The following ARHGAP12 variants were observed in gnomAD, a reference collection of about 807,000 sequenced individuals.
ARHGAP12 encodes Rho GTPase activating protein 12, also known as rho GTPase-activating protein 12.
A neutral mutation model predicts 108.6 loss-of-function variants in ARHGAP12; 64 were observed. That is an observed-to-expected ratio of 0.59 (90% CI 0.48 to 0.73). The LOEUF (loss-of-function observed/expected upper bound fraction) is 0.73, where lower values mean the gene tolerates loss of function less well. Among genes scored for constraint, ARHGAP12 ranks in the 30% least tolerant of loss-of-function variants. The probability of loss-of-function intolerance (pLI) is 0.00; values close to 1 mark genes in which losing one functional copy is unlikely to be tolerated. For synonymous variants in ARHGAP12, 312 were observed against 337.2 expected, an observed-to-expected ratio of 0.93 and a Z score of 0.82; for missense variants, 940 against 1,005.9, an observed-to-expected ratio of 0.93 and a Z score of 0.89.
intron 9 of ARHGAP12, among the ~76,000 whole-genome samples, chr10:31,837,557 C>A (rs989167114): frequency 6.6e-6 from 1 of 152,078 alleles, no homozygotes; most frequent in Admixed American, 6.6e-5. Context: ...ACAAAGCTTT[C>A]TGGAAGGGTC....
At position 31,908,166 on chromosome 10, in the gene ARHGAP12, T is replaced by A. The variant is rs774734547; in HGVS notation, c.684+6A>T. 3 of 1,564,364 alleles carry A rather than the reference T, an allele frequency of 1.9e-6. No homozygotes were observed. The highest frequency in any genetic ancestry group is 2.6e-6 in the Non-Finnish European group (3 of 1,158,928). The stretch of plus-strand genomic sequence containing the variant: ...CAGTGTTTCCTCATTCTATTTTTAA[T>A]CTTACCCTTATCTGTTCAGTGGAGC... On this transcript the variant is annotated splice_donor_region_variant and intron_variant, in intron 3 of 19. Coordinates refer to ENST00000344936, the MANE Select transcript of ARHGAP12 (RefSeq NM_018287.7).
At chr10:31,830,001 A>G (rs1308994789) in intron 10 of ARHGAP12, among the ~76,000 whole-genome samples, 1 of 133,066 alleles carries the variant, frequency 7.5e-6, no homozygotes, top group Non-Finnish European at 1.7e-5. Flanking sequence ...GCCAAACACT[A>G]AAGATTTACA....
intron 13 of ARHGAP12, among the ~76,000 whole-genome samples, chr10:31,816,158 A>T (rs1362120007): frequency 7.8e-6 from 1 of 127,610 alleles, no homozygotes; most frequent in Non-Finnish European, 1.7e-5. Context: ...CAAAAAAAGA[A>T]AGAAAGAAAC....
rs1485673938 is a variant in ARHGAP12, at chr10:31,908,497, G to C, written c.359C>G (p.Ser120Trp). 6.2e-7 allele frequency: 1 copy of C among 1,614,178 alleles called. No individual in the cohort carries two copies. Among genetic ancestry groups the C allele is most frequent in the Admixed American group, 1.7e-5 (1 of 60,012 alleles). Residue 120 changes from serine to tryptophan, a missense_variant, in exon 3 of 20, where the codon TCG becomes TGG. Transcript: ENST00000344936. ...LPELSSFGKPSSSVQGTGLIR... is the reference protein window; with the variant it reads ...LPELSSFGKPWSSVQGTGLIR... ...AAGACCTGTTCCTTGAACAGATGACGATGGCTTTCCGAAACTTGAAAGCTC... is the reference window on the plus strand; with the variant it reads ...AAGACCTGTTCCTTGAACAGATGACCATGGCTTTCCGAAACTTGAAAGCTC...
chr10:31,859,023 T>G (rs1460111354), intron 4 of ARHGAP12, among the ~76,000 whole-genome samples: 2 of 151,954 alleles, frequency 1.3e-5, no homozygotes, highest in Non-Finnish European at 2.9e-5. Context: ...AAATAAGGAT[T>G]AAAAATGCCA....
chr10:31,899,862 T>C (rs892799405), intron 3 of ARHGAP12, among the ~76,000 whole-genome samples: 26 of 152,158 alleles, frequency 1.7e-4, no homozygotes, highest in Non-Finnish European at 3.2e-4. Context: ...AGAGAAATAA[T>C]TGTTTAGTTT....
chr10:31,927,587 C>T (rs979981608), intron 1 of ARHGAP12, among the ~76,000 whole-genome samples: 1 of 152,142 alleles, frequency 6.6e-6, no homozygotes, highest in Non-Finnish European at 1.5e-5. Context: ...CAAAAGCCAG[C>T]CACAACCAAT....
chr10:31,827,289 AAC>A (rs1490219395), intron 10 of ARHGAP12, among the ~76,000 whole-genome samples: 6 of 152,190 alleles, frequency 3.9e-5, no homozygotes, highest in African/African-American at 7.2e-5. Context: ...GAAAAAACAA[AAC>A]AGTTTTTATT....
intron 3 of ARHGAP12, among the ~76,000 whole-genome samples, chr10:31,868,071 A>G (rs1387930481): frequency 6.6e-6 from 1 of 152,012 alleles, no homozygotes; most frequent in Admixed American, 6.6e-5. Context: ...GTGGTGGTGC[A>G]CACGTAATCC....
chr10:31,927,485 A>G (rs1840098871), intron 1 of ARHGAP12, among the ~76,000 whole-genome samples: 1 of 152,086 alleles, frequency 6.6e-6, no homozygotes, highest in African/African-American at 2.4e-5. Context: ...CTGAATCAGA[A>G]CCCGAGTGAG....
intron 4 of ARHGAP12, among the ~76,000 whole-genome samples, chr10:31,856,412 G>C (rs1238502650): frequency 3.3e-5 from 5 of 152,066 alleles, no homozygotes; most frequent in Admixed American, 2.0e-4. Context: ...CCACAATACA[G>C]AGCTGGAAAC....
chr10:31,919,250 T>C (rs145611896), intron 1 of ARHGAP12, among the ~76,000 whole-genome samples: 4,022 of 152,264 alleles, frequency 0.026, 95 homozygotes, highest in South Asian at 0.041. Context: ...TACTGCTTAA[T>C]GGGTATGGAG....
At chr10:31,826,846 G>C (rs1402250033) in intron 10 of ARHGAP12, 1 of 153,826 alleles carries the variant, frequency 6.5e-6, no homozygotes, top group Non-Finnish European at 1.4e-5. Context: ...AATTGGGCTG[G>C]AGTACTCAGG....
intron 11 of ARHGAP12, among the ~76,000 whole-genome samples, chr10:31,821,143 C>CT (rs1835401687): frequency 6.6e-6 from 1 of 152,068 alleles, no homozygotes; most frequent in South Asian, 2.1e-4. Flanking sequence ...ACAGAAAACA[C>CT]TAAGTCCCAT....
At chr10:31,915,293 G>A (rs1473680150) in intron 1 of ARHGAP12, among the ~76,000 whole-genome samples, 1 of 151,986 alleles carries the variant, frequency 6.6e-6, no homozygotes, top group Non-Finnish European at 1.5e-5. Context: ...GGCTGAGGCA[G>A]GAGAATTGCT....
At chr10:31,844,170 C>A (rs117935036) in intron 6 of ARHGAP12, among the ~76,000 whole-genome samples, 4,212 of 152,150 alleles carry the variant, frequency 0.028, 106 homozygotes, top group Non-Finnish European at 0.045. Context: ...CCATCTTCTC[C>A]CCTTTGATTA....
intron 4 of ARHGAP12, 133 bp from the exon 5 acceptor site, chr10:31,854,339 A>G: frequency 2.4e-6 from 2 of 833,160 alleles, no homozygotes; most frequent in South Asian, 4.4e-5. Context: ...TTTGATTTTG[A>G]AAATAAATTG....
intron 10 of ARHGAP12, among the ~76,000 whole-genome samples, chr10:31,827,454 AT>A (rs1483090395): frequency 6.6e-6 from 1 of 152,128 alleles, no homozygotes; most frequent in Non-Finnish European, 1.5e-5. Context: ...TACTGCAGGG[AT>A]TTATTAAAGC....
rs1188997934 is a variant in ARHGAP12 at position 31,843,585 on chromosome 10, T to C, written c.1172A>G (p.Tyr391Cys). The C allele has an allele frequency of 1.9e-6, 3 of 1,588,008 alleles. No individual in the cohort carries two copies. The highest frequency in any genetic ancestry group is 2.6e-6 in the Non-Finnish European group (3 of 1,172,888). ...GSRSEWELPK[Y>C]NASSQQQREI... ...TCTTTGCTGCTGGGATGAAGCATTA[T>C]ACTAAAACAAAACAAAGCAAAAAAC... The change falls in exon 7 of 20, where the codon TAT becomes TGT. Residue 391 changes from tyrosine to cysteine, a missense_variant and splice_region_variant. Physicochemically the swap from Tyr to Cys is radical, Grantham distance 194. Coordinates refer to ENST00000344936, the MANE Select transcript of ARHGAP12 (RefSeq NM_018287.7).
Sources: allele counts gnomAD v4.1 joint callset (sites outside exome capture counted in the v4.1 genomes callset), GRCh38; gene constraint gnomAD v4.1.1; transcripts MANE v1.5; gene names NCBI Gene and HGNC (gene_info 2026-07-23, HGNC 2026-07-21).